The following RAB27A variants were observed in gnomAD, a reference collection of about 807,000 sequenced individuals.
RAB27A encodes the protein RAB27A, member RAS oncogene family.
In RAB27A, 17 loss-of-function variants were observed where a neutral mutation model predicts 20.8. The ratio of observed to expected loss-of-function variants is 0.82; its 90% confidence interval spans 0.56 to 1.23. The LOEUF is 1.23. Among genes scored for constraint, RAB27A ranks in the 50% most tolerant of loss-of-function variants. The pLI is 0.00. For missense variants in RAB27A, 277 were observed against 266.7 expected, an observed-to-expected ratio of 1.04 and a Z score of -0.27; for synonymous variants, 85 against 92.8, an observed-to-expected ratio of 0.92 and a Z score of 0.48.
At chr15:55,216,579 G>C (rs1895316199) in intron 6 of RAB27A, among the ~76,000 whole-genome samples, 1 of 151,854 alleles carries the variant, frequency 6.6e-6, no homozygotes. Context: ...AAAAAGCAAT[G>C]TCACTAGCAA....
chr15:55,234,039 CCT>C, intron 3 of RAB27A, among the ~76,000 whole-genome samples: 1 of 152,088 alleles, frequency 6.6e-6, no homozygotes. Context: ...GACCTTTCCC[CCT>C]GACAGAATAT....
intron 2 of RAB27A, among the ~76,000 whole-genome samples, chr15:55,264,863 G>A (rs1487327770): frequency 6.6e-6 from 1 of 152,164 alleles, no homozygotes; most frequent in Non-Finnish European, 1.5e-5. Context: ...GTGCCACTAT[G>A]TTAAGCACCA....
chr15:55,310,551 A>C (rs1244986449), intron 2 of RAB27A, among the ~76,000 whole-genome samples: 2 of 152,084 alleles, frequency 1.3e-5, no homozygotes, highest in Non-Finnish European at 2.9e-5. Context: ...TGTAGACCGC[A>C]CTGAAAGCAA....
intron 6 of RAB27A, among the ~76,000 whole-genome samples, chr15:55,214,709 T>A (rs1196922089): frequency 2.0e-5 from 3 of 152,178 alleles, no homozygotes; most frequent in African/African-American, 7.2e-5. Context: ...GCACACAAAA[T>A]GAAGATAATG....
chr15:55,314,825 T>A (rs1023916511), intron 1 of RAB27A, among the ~76,000 whole-genome samples: 2 of 152,152 alleles, frequency 1.3e-5, no homozygotes, highest in Non-Finnish European at 2.9e-5. Flanking sequence ...ATCATGAAAA[T>A]GGCCATACTG....
At chr15:55,281,370 G>A (rs1246425914) in intron 1 of RAB27A, among the ~76,000 whole-genome samples, 2 of 152,162 alleles carry the variant, frequency 1.3e-5, no homozygotes, top group African/African-American at 4.8e-5. Context: ...CTGCTTAGCA[G>A]TTCCATTTCT....
chr15:55,272,317 TGAACCCGG>T (rs1897733468), intron 1 of RAB27A, among the ~76,000 whole-genome samples: 1 of 152,188 alleles, frequency 6.6e-6, no homozygotes, highest in Non-Finnish European at 1.5e-5. Flanking sequence ...GAGAATGCCG[TGAACCCGG>T]GAGGCGGAGC....
chr15:55,262,784 G>A (rs1346502323), intron 2 of RAB27A, among the ~76,000 whole-genome samples: 3 of 151,828 alleles, frequency 2.0e-5, no homozygotes, highest in African/African-American at 7.3e-5. Flanking sequence ...GGAACTCCTG[G>A]GCTCAAGCCA....
intron 2 of RAB27A, among the ~76,000 whole-genome samples, chr15:55,306,220 G>A (rs2141144497): frequency 6.6e-6 from 1 of 152,314 alleles, no homozygotes; most frequent in East Asian, 1.9e-4. Flanking sequence ...TTGGAAACAA[G>A]AGGTCCTACT....
At chr15:55,241,318 TCTTA>T (rs1896469203) in intron 2 of RAB27A, among the ~76,000 whole-genome samples, 1 of 151,942 alleles carries the variant, frequency 6.6e-6, no homozygotes, top group Non-Finnish European at 1.5e-5. Flanking sequence ...CAAAAGACTT[TCTTA>T]TTCAGCTCAC....
chr15:55,246,419 G>A (rs925822201), intron 2 of RAB27A, among the ~76,000 whole-genome samples: 15 of 128,016 alleles, frequency 1.2e-4, no homozygotes, highest in Admixed American at 8.3e-4. Context: ...TGAGATATCG[G>A]CTTTTTTTTT....
intron 5 of RAB27A, among the ~76,000 whole-genome samples, chr15:55,226,975 C>T (rs1039804115): frequency 1.3e-5 from 2 of 151,870 alleles, no homozygotes; most frequent in Non-Finnish European, 2.9e-5. Context: ...ATGTTTATTC[C>T]TAATTAAGAT....
intron 2 of RAB27A, among the ~76,000 whole-genome samples, chr15:55,313,388 G>A (rs779489819): frequency 1.3e-5 from 2 of 152,136 alleles, no homozygotes; most frequent in East Asian, 3.9e-4. Flanking sequence ...GTGACAGAGC[G>A]AGACCCTATC....
At chr15:55,210,239 ATATT>A (rs1894952051) in intron 6 of RAB27A, among the ~76,000 whole-genome samples, 1 of 149,916 alleles carries the variant, frequency 6.7e-6, no homozygotes, top group African/African-American at 2.5e-5. Flanking sequence ...ACACACATAT[ATATT>A]AGTGGAGTTG....
At chr15:55,275,018 A>C (rs537268141) in intron 1 of RAB27A, among the ~76,000 whole-genome samples, 10 of 151,844 alleles carry the variant, frequency 6.6e-5, no homozygotes, top group African/African-American at 2.2e-4. Context: ...TGGAAGGCCA[A>C]AGTAGGTGGA....
rs1465888546 is a variant in RAB27A at position 55,302,871 on chromosome 15, C to T, written c.-112+11168G>A. 8.5e-5 allele frequency among the ~76,000 whole-genome samples: 12 copies of T among 141,606 alleles called. No homozygotes were observed. In the East Asian group the frequency reaches 2.4e-3, roughly 28 times the overall value. The allele number at this position is 141,606 out of a possible 152,430, so 92.9% of individuals were successfully genotyped here. Reference sequence around the variant, plus strand: ...CCGTCTGAGAAGTGAGGAGCCCCTCCGTCCGGCAGCTGCCCCGTCTGAGAA... The same window carrying T: ...CCGTCTGAGAAGTGAGGAGCCCCTCTGTCCGGCAGCTGCCCCGTCTGAGAA... On this transcript the variant is annotated intron_variant, in intron 2 of 5. Coordinates refer to the RAB27A transcript ENST00000563262.
exon 2 of RAB27A, chr15:55,314,098 A>T (rs1268865089): frequency 2.0e-5 from 3 of 148,748 alleles, no homozygotes; most frequent in East Asian, 4.0e-4. Flanking sequence ...TGGGTGGGAG[A>T]GGTTGCAGTG....
At chr15:55,250,939 A>C (rs1896866501) in intron 2 of RAB27A, among the ~76,000 whole-genome samples, 1 of 152,208 alleles carries the variant, frequency 6.6e-6, no homozygotes, top group Non-Finnish European at 1.5e-5. Flanking sequence ...GCAGAGTGAT[A>C]TTCTAATGAA....
At chr15:55,311,603 G>A (rs1057362667) in intron 2 of RAB27A, among the ~76,000 whole-genome samples, 8 of 152,140 alleles carry the variant, frequency 5.3e-5, no homozygotes, top group Non-Finnish European at 1.0e-4. Flanking sequence ...AAGAAAGTTT[G>A]TACATATGGC....
Sources: allele counts gnomAD v4.1 joint callset (sites outside exome capture counted in the v4.1 genomes callset), GRCh38; gene constraint gnomAD v4.1.1; transcripts MANE v1.5; gene names NCBI Gene and HGNC (gene_info 2026-07-23, HGNC 2026-07-21).